SYT9: variants seen among roughly 807,000 people sequenced by gnomAD.
SYT9 encodes the protein synaptotagmin 9, also known as synaptotagmin-9.
In SYT9, 22 loss-of-function variants were observed where a neutral mutation model predicts 48.4. The observed-to-expected ratio is 0.45, with a 90% CI of 0.32 to 0.65. The LOEUF (loss-of-function observed/expected upper bound fraction) is 0.65, where lower values mean the gene tolerates loss of function less well. Among genes scored for constraint, SYT9 ranks in the 30% least tolerant of loss-of-function variants. SYT9 has a pLI of 0.03. For synonymous variants in SYT9, 265 were observed against 245.0 expected (o/e 1.08, Z -0.76); for missense variants, 577 against 622.0 (o/e 0.93, Z 0.77).
intron 1 of SYT9, among the ~76,000 whole-genome samples, chr11:7,278,653 T>G (rs1396418530): frequency 6.6e-6 from 1 of 152,234 alleles, no homozygotes; most frequent in Non-Finnish European, 1.5e-5. Context: ...TGTTGTGTTC[T>G]ATAATACGGA....
At chr11:7,285,899 C>T (rs1848586872) in intron 1 of SYT9, among the ~76,000 whole-genome samples, 1 of 152,242 alleles carries the variant, frequency 6.6e-6, no homozygotes, top group Non-Finnish European at 1.5e-5. Context: ...ACAGGTCATG[C>T]TGATGCAAGA....
At chr11:7,329,707 C>A (rs184032445) in intron 3 of SYT9, among the ~76,000 whole-genome samples, 10 of 152,290 alleles carry the variant, frequency 6.6e-5, no homozygotes, top group African/African-American at 2.4e-4. Context: ...GCTTTTTCAG[C>A]CTGTATGCTG....
intron 6 of SYT9, among the ~76,000 whole-genome samples, chr11:7,431,345 G>A (rs1433105051): frequency 6.6e-6 from 1 of 152,244 alleles, no homozygotes; most frequent in Non-Finnish European, 1.5e-5. Flanking sequence ...ATGTGGCCTG[G>A]CTGCTTCTGA....
At chr11:7,245,301 A>G (rs1847779592) in intron 1 of SYT9, among the ~76,000 whole-genome samples, 1 of 152,258 alleles carries the variant, frequency 6.6e-6, no homozygotes, top group Non-Finnish European at 1.5e-5. Context: ...TATCAAGTGC[A>G]TGATGGTATA....
intron 1 of SYT9, 53 bp from the exon 2 acceptor site, chr11:7,302,986 G>T: frequency 1.3e-6 from 2 of 1,503,942 alleles, no homozygotes; most frequent in South Asian, 1.2e-5. Context: ...CTGTGCAATG[G>T]GTGGGCTTGA....
chr11:7,314,625 A>G (rs576736066), intron 3 of SYT9, among the ~76,000 whole-genome samples: 38 of 152,350 alleles, frequency 2.5e-4, no homozygotes, highest in African/African-American at 8.9e-4. Context: ...AAGATTTCAG[A>G]GGTGATATTT....
At chr11:7,387,722 T>G (rs1850688264) in intron 3 of SYT9, among the ~76,000 whole-genome samples, 1 of 152,168 alleles carries the variant, frequency 6.6e-6, no homozygotes, top group Non-Finnish European at 1.5e-5. Context: ...AAAATTCCCT[T>G]TCCATATCTG....
intron 1 of SYT9, among the ~76,000 whole-genome samples, chr11:7,286,960 A>G (rs1302483905): frequency 1.3e-5 from 2 of 151,972 alleles, no homozygotes; most frequent in Non-Finnish European, 2.9e-5. Context: ...AACTCTTCCA[A>G]CTGCTGCCTG....
rs1849182514 is a variant in SYT9, at chr11:7,313,594, G to T, written c.697G>T (p.Asp233Tyr). 6.8e-6 allele frequency: 11 copies of T among 1,614,138 alleles called. No homozygotes were observed. The highest frequency in any genetic ancestry group is 9.3e-6 in the Non-Finnish European group (11 of 1,180,024). The part of the protein sequence containing the change: ...KLNFILKYDC[D>Y]LEQLIVKIHK... ...GAACTTCATTTTAAAATATGACTGT[G>T]ACTTAGAGCAGCTCATAGTGAAGAT... The change falls in exon 3 of 7, where the codon GAC becomes TAC. Residue 233 changes from aspartate (D) to tyrosine (Y), a missense_variant. Physicochemically the swap from Asp to Tyr is radical, Grantham distance 160 (BLOSUM62 -3). Transcript: ENST00000318881.
At chr11:7,296,106 A>G (rs1317464028) in intron 1 of SYT9, among the ~76,000 whole-genome samples, 1 of 152,220 alleles carries the variant, frequency 6.6e-6, no homozygotes, top group Non-Finnish European at 1.5e-5. Flanking sequence ...CATGAAAAAA[A>G]CAGAAACAAT....
At chr11:7,413,292 T>C (rs1847175117) in intron 3 of SYT9, among the ~76,000 whole-genome samples, 2 of 152,208 alleles carry the variant, frequency 1.3e-5, no homozygotes, top group Admixed American at 6.5e-5. Flanking sequence ...GGCCTGGTGG[T>C]AGCATCAGTG....
At chr11:7,356,151 G>C (rs957773340) in intron 3 of SYT9, among the ~76,000 whole-genome samples, 1 of 152,142 alleles carries the variant, frequency 6.6e-6, no homozygotes, top group Non-Finnish European at 1.5e-5. Flanking sequence ...GCTGAGATTG[G>C]TCACTGTAGT....
intron 3 of SYT9, among the ~76,000 whole-genome samples, chr11:7,324,237 T>C (rs1427567986): frequency 1.3e-5 from 2 of 151,932 alleles, no homozygotes; most frequent in African/African-American, 4.8e-5. Flanking sequence ...TTTCTTCTTA[T>C]TTCTGCCTTA....
intron 1 of SYT9, among the ~76,000 whole-genome samples, chr11:7,276,956 A>G (rs993060176): frequency 5.9e-5 from 9 of 151,926 alleles, no homozygotes; most frequent in Admixed American, 6.6e-5. Context: ...CGGGAGGCTG[A>G]GGAAGGAGAA....
At chr11:7,448,913 T>A (rs1457270160) in intron 6 of SYT9, among the ~76,000 whole-genome samples, 1 of 151,272 alleles carries the variant, frequency 6.6e-6, no homozygotes, top group East Asian at 2.0e-4. Flanking sequence ...GGGCTTGAGG[T>A]GGAAAGGAAA....
chr11:7,453,348 T>G (rs1159495247), intron 6 of SYT9, among the ~76,000 whole-genome samples: 1 of 152,148 alleles, frequency 6.6e-6, no homozygotes, highest in African/African-American at 2.4e-5. Context: ...AGCCAGCCAT[T>G]GGCTTATCTA....
At chr11:7,396,547 A>G (rs940878991) in intron 3 of SYT9, among the ~76,000 whole-genome samples, 6 of 152,182 alleles carry the variant, frequency 3.9e-5, no homozygotes, top group African/African-American at 1.4e-4. Flanking sequence ...AGTTTGGGTC[A>G]GAACAATGAC....
upstream of SYT9, among the ~76,000 whole-genome samples, chr11:7,247,606 T>C (rs1158358259): frequency 6.8e-6 from 1 of 147,494 alleles, no homozygotes; most frequent in Non-Finnish European, 1.5e-5. Context: ...TACGTATATA[T>C]ACATATATAC....
intron 6 of SYT9, among the ~76,000 whole-genome samples, chr11:7,455,385 C>G (rs56357386): frequency 0.14 from 21,491 of 148,928 alleles, 2,011 homozygotes; most frequent in African/African-American, 0.25. Context: ...CCAGGCTGGA[C>G]TGCAGTGGCG....
Sources: allele counts gnomAD v4.1 joint callset (sites outside exome capture counted in the v4.1 genomes callset), GRCh38; gene constraint gnomAD v4.1.1; transcripts MANE v1.5; gene names NCBI Gene and HGNC (gene_info 2026-07-23, HGNC 2026-07-21).